Variants in ZUP1 observed in about 807,000 individuals in gnomAD.
The protein encoded by ZUP1 is zinc finger-containing ubiquitin peptidase 1.
A neutral mutation model predicts 68.1 loss-of-function variants in ZUP1; 55 were observed. The ratio of observed to expected loss-of-function variants is 0.81; its 90% confidence interval spans 0.65 to 1.01. The LOEUF is 1.01. ZUP1 is among the 50% of genes least tolerant of loss of function. The probability of loss-of-function intolerance (pLI) is 0.00; values close to 1 mark genes in which losing one functional copy is unlikely to be tolerated. For missense variants in ZUP1, 684 were observed against 674.9 expected, an observed-to-expected ratio of 1.01 and a Z score of -0.15; for synonymous variants, 223 against 221.5, an observed-to-expected ratio of 1.01 and a Z score of -0.06.
intron 9 of ZUP1, among the ~76,000 whole-genome samples, chr6:116,636,783 A>G (rs903009833): frequency 6.6e-6 from 1 of 152,324 alleles, no homozygotes; most frequent in Middle Eastern, 3.4e-3. Flanking sequence ...GATACCATAA[A>G]CTATCATATT....
Position 116,664,427 on chromosome 6 carries a change from T to C in ZUP1, c.559+2207A>G, listed in dbSNP as rs543885140. On this transcript the variant is annotated intron_variant, in intron 2 of 9. Coordinates refer to ENST00000368576, the MANE Select transcript of ZUP1 (RefSeq NM_145062.3). ...GCCTGGGTGACAGGGCAAAAGTCCATCAAAAAAAAAAAAAACACACACACA... is the reference window on the plus strand; with the variant it reads ...GCCTGGGTGACAGGGCAAAAGTCCACCAAAAAAAAAAAAAACACACACACA... Among the ~76,000 whole-genome samples, 4 of 117,890 alleles carry C rather than the reference T, an allele frequency of 3.4e-5. No individual in the cohort carries two copies. The East Asian group carries it at 7.6e-4, about 22-fold the overall frequency. 77.3% of individuals were successfully genotyped at this position (117,890 alleles called of 152,430 possible). A position where few individuals can be genotyped will look rare whatever the true frequency, so the allele number is the denominator to read the frequency against.
chr6:116,651,950 T>A (rs2114254750), intron 6 of ZUP1, 54 bp downstream of exon 6: 1 of 1,556,966 alleles, frequency 6.4e-7, no homozygotes, highest in Non-Finnish European at 8.8e-7. Context: ...TATATCATTC[T>A]ATATCATATG....
rs1464244687 is a variant in ZUP1 at position 116,651,993 on chromosome 6, A to G, written c.1150+11T>C. 4 of 1,612,986 alleles carry G rather than the reference A, an allele frequency of 2.5e-6. No individual in the cohort carries two copies. Among genetic ancestry groups the G allele is most frequent in the Non-Finnish European group, 3.4e-6 (4 of 1,179,260 alleles). ...TCAGATGACAAGTTCAGAGTACTAG[A>G]TTTCACATACCTTTTAAGCAATCGT... On this transcript the variant is annotated intron_variant, in intron 6 of 9. Coordinates refer to ENST00000368576, the MANE Select transcript of ZUP1 (RefSeq NM_145062.3).
At chr6:116,660,306 T>G (rs1776796425) in intron 3 of ZUP1, 1 of 153,710 alleles carries the variant, frequency 6.5e-6, no homozygotes, top group Non-Finnish European at 1.4e-5. Flanking sequence ...TTCAGTGGGC[T>G]TCTAACATTC....
In ZUP1 at chr6:116,660,771, A is replaced by G; in HGVS notation, c.635T>C (p.Val212Ala). Reference protein sequence around the residue: ...CTNYHILQEHVDLHLEENSFQ... With the variant: ...CTNYHILQEHADLHLEENSFQ... ...GCTGTTTTCTTCCAAATGCAAGTCA[A>G]CATGTTCCTGAAGAATATGGTAATT... The change falls in exon 3 of 10, where the codon GTT becomes GCT. Residue 212 changes from valine (V) to alanine (A), a missense_variant. Physicochemically the swap from Val to Ala is moderately conservative, Grantham distance 64 (BLOSUM62 0). Transcript: ENST00000368576. The G allele has an allele frequency of 6.2e-7, 1 of 1,608,800 alleles. No individual in the cohort carries two copies. The highest frequency in any genetic ancestry group is 8.5e-7 in the Non-Finnish European group (1 of 1,177,242).
chr6:116,666,874 G>A lies in ZUP1; in HGVS notation c.319C>T (p.Leu107=). The A allele has an allele frequency of 4.3e-6, 7 of 1,610,196 alleles. No homozygotes were observed. Among genetic ancestry groups the A allele is most frequent in the Non-Finnish European group, 5.9e-6 (7 of 1,178,768 alleles). The change falls in exon 2 of 10, where the codon CTG becomes TTG. Residue 107 remains leucine, a synonymous_variant. Transcript: ENST00000368576. The part of the protein sequence containing the change: ...SNHPKNSAQN[L]TKDSTLKHEG... ...TGTTTTAAAGTACTATCTTTAGTCA[G>A]GTTTTGAGCTGAATTTTTTGGATGA...
chr6:116,636,254 T>C (rs942845074), intron 9 of ZUP1, among the ~76,000 whole-genome samples: 1 of 152,164 alleles, frequency 6.6e-6, no homozygotes, highest in Non-Finnish European at 1.5e-5. Flanking sequence ...TCCCTCATTA[T>C]AGTCTTAAAA....
At chr6:116,665,903 A>T (rs1776994086) in intron 2 of ZUP1, among the ~76,000 whole-genome samples, 1 of 151,890 alleles carries the variant, frequency 6.6e-6, no homozygotes, top group Non-Finnish European at 1.5e-5. Flanking sequence ...ACAAATTCTT[A>T]AAGTTCAACA....
chr6:116,640,934 C>G (rs1166008991), intron 9 of ZUP1, among the ~76,000 whole-genome samples: 1 of 148,330 alleles, frequency 6.7e-6, no homozygotes, highest in African/African-American at 2.5e-5. Flanking sequence ...GTGCTGTATT[C>G]AGGAAACCCA....
chr6:116,663,619 C>T (rs1376397662), intron 2 of ZUP1, among the ~76,000 whole-genome samples: 1 of 152,052 alleles, frequency 6.6e-6, no homozygotes, highest in East Asian at 1.9e-4. Context: ...ACTTAGAATA[C>T]TCAAGGGAAT....
Position 116,666,821 on chromosome 6 carries a change from A to T in ZUP1, c.372T>A (p.Thr124=). Residue 124 remains threonine (T), a synonymous_variant, in exon 2 of 10, where the codon ACT becomes ACA. Coordinates refer to ENST00000368576, the MANE Select transcript of ZUP1 (RefSeq NM_145062.3). ...TACTTTTCAGGAATTTTCTAGATTC[A>T]GTTAAGTTCTCTGAATAGAAGCCTT... is the stretch of plus-strand genomic sequence containing the variant. ...KHEGFYSENL[T]ESRKFLKSRE... 1 of 1,612,948 alleles carries T rather than the reference A, an allele frequency of 6.2e-7. No individual in the cohort carries two copies. The highest frequency in any genetic ancestry group is 8.5e-7 in the Non-Finnish European group (1 of 1,179,706).
intron 1 of ZUP1, 53 bp downstream of exon 1, chr6:116,668,513 C>G (rs1199476953): frequency 6.6e-6 from 1 of 152,428 alleles, no homozygotes; most frequent in Admixed American, 6.5e-5. Context: ...CAGGCACTAA[C>G]TGGGTCAAAG....
At chr6:116,637,658 C>T (rs1775943355) in intron 9 of ZUP1, among the ~76,000 whole-genome samples, 1 of 152,240 alleles carries the variant, frequency 6.6e-6, no homozygotes, top group Non-Finnish European at 1.5e-5. Flanking sequence ...CACAGTAATA[C>T]TTAACCACAC....
intron 3 of ZUP1, among the ~76,000 whole-genome samples, chr6:116,659,877 C>T (rs192921552): frequency 6.6e-6 from 1 of 152,306 alleles, no homozygotes; most frequent in East Asian, 1.9e-4. Flanking sequence ...GCTGCTGCTA[C>T]ATCTTCCTAT....
At chr6:116,664,134 GA>G (rs1583380604) in intron 2 of ZUP1, among the ~76,000 whole-genome samples, 1 of 151,946 alleles carries the variant, frequency 6.6e-6, no homozygotes, top group Non-Finnish European at 1.5e-5. Flanking sequence ...AATGTGCAAT[GA>G]AAAAACAACA....
At chr6:116,648,271 A>G (rs1253667780) in intron 7 of ZUP1, among the ~76,000 whole-genome samples, 1 of 152,210 alleles carries the variant, frequency 6.6e-6, no homozygotes, top group Admixed American at 6.5e-5. Context: ...ACTACTCAAC[A>G]ACTGTTTTTA....
intron 7 of ZUP1, among the ~76,000 whole-genome samples, chr6:116,649,557 G>A (rs1562404066): frequency 6.6e-6 from 1 of 152,116 alleles, no homozygotes. Flanking sequence ...AGAACAGTGA[G>A]GCTAAAAATA....
chr6:116,638,306 T>C (rs1358365476), intron 9 of ZUP1, among the ~76,000 whole-genome samples: 1 of 152,178 alleles, frequency 6.6e-6, no homozygotes, highest in East Asian at 1.9e-4. Flanking sequence ...CTTGATGTGC[T>C]ATCATATAGC....
At chr6:116,647,277 T>C (rs1435023601) in intron 8 of ZUP1, among the ~76,000 whole-genome samples, 182 bp downstream of exon 8, 1 of 152,110 alleles carries the variant, frequency 6.6e-6, no homozygotes, top group African/African-American at 2.4e-5. Context: ...GAGAATCACT[T>C]GAACCTGGAA....
Sources: allele counts gnomAD v4.1 joint callset (sites outside exome capture counted in the v4.1 genomes callset), GRCh38; gene constraint gnomAD v4.1.1; transcripts MANE v1.5; gene names NCBI Gene and HGNC (gene_info 2026-07-23, HGNC 2026-07-21).